The following AADAC variants were observed in gnomAD, a reference collection of about 807,000 sequenced individuals.
AADAC encodes the protein arylacetamide deacetylase (esterase).
Under a neutral mutation model 22.7 loss-of-function variants are expected in AADAC, and 17 were observed. The observed-to-expected ratio is 0.75, with a 90% confidence interval of 0.51 to 1.12. AADAC has a LOEUF of 1.12. Among genes scored for constraint, AADAC ranks in the 50% most tolerant of loss-of-function variants. AADAC has a pLI of 0.00. For synonymous variants in AADAC, 167 were observed against 176.3 expected (o/e 0.95, Z 0.42); for missense variants, 465 against 473.9 (o/e 0.98, Z 0.17).
chr3:151,816,441 T>C (rs1715992187), intron 1 of AADAC, among the ~76,000 whole-genome samples: 1 of 152,120 alleles, frequency 6.6e-6, no homozygotes. Flanking sequence ...AAGTACTTTG[T>C]ACAGAGCTCT....
In AADAC at chr3:151,817,528, G is replaced by C; in HGVS notation, c.301G>C (p.Glu101Gln). The C allele has an allele frequency of 6.2e-7, 1 of 1,613,836 alleles. No individual in the cohort carries two copies. The highest frequency in any genetic ancestry group is 8.5e-7 in the Non-Finnish European group (1 of 1,179,764). ...GGTATATGTGCCAAAGAGAAAGTCT[G>C]AAGCACTAAGAAGGGGGTTGTTTTA... ...VRVYVPKRKSEALRRGLFYIH... is the reference protein window; with the variant it reads ...VRVYVPKRKSQALRRGLFYIH... The change falls in exon 2 of 5, where the codon GAA (glutamate) becomes CAA (glutamine). Residue 101 changes from glutamate to glutamine, a missense_variant. Coordinates refer to ENST00000232892, the MANE Select transcript of AADAC (RefSeq NM_001086.3).
chr3:151,816,986 T>A (rs1012351519), intron 1 of AADAC, among the ~76,000 whole-genome samples: 1 of 151,990 alleles, frequency 6.6e-6, no homozygotes, highest in Non-Finnish European at 1.5e-5. Context: ...TTTTCCTAGA[T>A]CTGGACAAAT....
At chr3:151,824,015 G>A (rs62272916) in intron 3 of AADAC, among the ~76,000 whole-genome samples, 13,226 of 151,944 alleles carry the variant, frequency 0.087, 816 homozygotes, top group Non-Finnish European at 0.12. Flanking sequence ...GCAGATCTGT[G>A]GAGCTTATTC....
At chr3:151,816,049 A>T (rs1319422876) in intron 1 of AADAC, among the ~76,000 whole-genome samples, 1 of 152,116 alleles carries the variant, frequency 6.6e-6, no homozygotes, top group Non-Finnish European at 1.5e-5. Flanking sequence ...TGACATGGAT[A>T]AGAAAATGTT....
chr3:151,825,707 T>C lies in AADAC; in HGVS notation c.603+873T>C, dbSNP rs1337052523. On this transcript the variant is annotated intron_variant, in intron 4 of 4. Coordinates refer to ENST00000232892, the MANE Select transcript of AADAC (RefSeq NM_001086.3). ...AATGGCAATATAATAATAATAATAATAACAAATGGCATTTTTGTCCCAGAT... is the reference window on the plus strand; with the variant it reads ...AATGGCAATATAATAATAATAATAACAACAAATGGCATTTTTGTCCCAGAT... 2.6e-5 allele frequency among the ~76,000 whole-genome samples: 4 copies of C among 151,998 alleles called. No homozygotes were observed. In the East Asian group the frequency reaches 5.8e-4, roughly 22 times the overall value.
intron 3 of AADAC, among the ~76,000 whole-genome samples, chr3:151,823,099 G>A (rs1436815258): frequency 6.6e-6 from 1 of 151,842 alleles, no homozygotes; most frequent in Admixed American, 6.6e-5. Context: ...CCAACGTGGT[G>A]AAACTCCATC....
chr3:151,824,823 G>A lies in AADAC; in HGVS notation c.592G>A (p.Val198Met), dbSNP rs767163875. 1.9e-6 allele frequency: 3 copies of A among 1,581,768 alleles called. No homozygotes were observed. Among genetic ancestry groups the A allele is most frequent in the Admixed American group, 1.8e-5 (1 of 54,102 alleles). Reference sequence around the variant, plus strand: ...TGCAGGAGGGAATTTAGCTGCAGCAGTGACTCAACAGGTATGTTCATAATT... The same window carrying A: ...TGCAGGAGGGAATTTAGCTGCAGCAATGACTCAACAGGTATGTTCATAATT... The part of the protein sequence containing the change: ...DSAGGNLAAA[V>M]TQQLLDDPDV... The change falls in exon 4 of 5, where the codon GTG becomes ATG. Residue 198 changes from valine (V) to methionine (M), a missense_variant. By Grantham distance (21) the Val-to-Met change is conservative (BLOSUM62 1). Coordinates refer to ENST00000232892, the MANE Select transcript of AADAC (RefSeq NM_001086.3).
At chr3:151,825,347 C>G (rs1440142210) in intron 4 of AADAC, among the ~76,000 whole-genome samples, 2 of 151,812 alleles carry the variant, frequency 1.3e-5, no homozygotes, top group Non-Finnish European at 2.9e-5. Context: ...AAGGTGTAAT[C>G]GTGCCACTGT....
intron 4 of AADAC, among the ~76,000 whole-genome samples, chr3:151,826,990 C>T (rs1560314288): frequency 6.6e-6 from 1 of 151,916 alleles, no homozygotes; most frequent in East Asian, 1.9e-4. Context: ...TCTCAGCTCA[C>T]TGCAACCTCC....
chr3:151,817,736 C>T, intron 2 of AADAC, 148 bp downstream of exon 2: 1 of 711,846 alleles, frequency 1.4e-6, no homozygotes, highest in Non-Finnish European at 2.3e-6. Flanking sequence ...TTACTTTTCC[C>T]TGAAGCTTTA....
At chr3:151,822,151 GGTATAATATATATATTT>G (rs895238394) in intron 3 of AADAC, among the ~76,000 whole-genome samples, 3 of 151,728 alleles carry the variant, frequency 2.0e-5, no homozygotes, top group African/African-American at 7.3e-5. Context: ...CACTAGGATG[GGTATAATATATATATTT>G]AAAAAGATAA....
chr3:151,819,179 G>C lies in AADAC; in HGVS notation c.362-1204G>C, dbSNP rs1378807023. 2.6e-5 allele frequency among the ~76,000 whole-genome samples: 4 copies of C among 151,940 alleles called. No homozygotes were observed. The East Asian group carries it at 7.7e-4, about 29-fold the overall frequency. On this transcript the variant is annotated intron_variant, in intron 2 of 4. Coordinates refer to ENST00000232892, the MANE Select transcript of AADAC (RefSeq NM_001086.3). ...CTGGGAGGGTGAGAACAGATTTCTG[G>C]GGAATGCAAACAAAATTGTTGGGTG...
chr3:151,819,116 A>AATAG (rs1553873669), intron 2 of AADAC, among the ~76,000 whole-genome samples: 1 of 87,964 alleles, frequency 1.1e-5, no homozygotes, highest in East Asian at 2.5e-4. Flanking sequence ...AGATTAAAAA[A>AATAG]ATAGATCTGA....
chr3:151,825,435 T>C (rs867272157), intron 4 of AADAC, among the ~76,000 whole-genome samples: 5 of 151,756 alleles, frequency 3.3e-5, no homozygotes, highest in Middle Eastern at 6.8e-3. Context: ...AGTAAAATAT[T>C]ATATTAAGTA....
At chr3:151,824,897 T>C in intron 4 of AADAC, 63 bp downstream of exon 4, 3 of 1,302,684 alleles carry the variant, frequency 2.3e-6, no homozygotes, top group East Asian at 2.8e-5. Context: ...AAAACATATT[T>C]ATAAACATAT....
At chr3:151,820,696 T>TTTTTTTTTTG (rs1448106031) in intron 3 of AADAC, among the ~76,000 whole-genome samples, 1 of 90,988 alleles carries the variant, frequency 1.1e-5, no homozygotes, top group Admixed American at 1.1e-4. Flanking sequence ...TTTTTTATTT[T>TTTTTTTTTTG]CGGTAGAGAT....
chr3:151,820,317 G>T, intron 2 of AADAC, 66 bp from the exon 3 acceptor site: 1 of 1,223,446 alleles, frequency 8.2e-7, no homozygotes, highest in South Asian at 1.6e-5. Context: ...GGATTTTTGT[G>T]AAGGAAACAG....
chr3:151,824,635 A>G (rs773008133), intron 3 of AADAC, 28 bp from the exon 4 acceptor site: 3 of 1,452,178 alleles, frequency 2.1e-6, no homozygotes, highest in Non-Finnish European at 1.8e-6. Context: ...AAACAAAAAA[A>G]TGTGTAAACT....
chr3:151,828,271 C>A lies in AADAC; in HGVS notation c.*99C>A. 1.6e-6 allele frequency: 1 copy of A among 632,780 alleles called. No individual in the cohort carries two copies. 39.2% of individuals were successfully genotyped at this position (632,780 alleles called of 1,614,324 possible). On this transcript the variant is annotated 3_prime_UTR_variant, in exon 5 of 5. Coordinates refer to ENST00000232892, the MANE Select transcript of AADAC (RefSeq NM_001086.3). ...TTTCTTAGAATGGTCTAGTTAAGTT[C>A]CACATGTAGCATAATTCTTAAATAG...
Sources: gnomAD v4.1 joint callset for allele counts (sites outside exome capture counted in the v4.1 genomes callset) on GRCh38, gnomAD v4.1.1 for gene constraint, MANE v1.5 for transcripts, NCBI Gene and HGNC (gene_info 2026-07-23, HGNC 2026-07-21) for gene names.